The following FMO5 variants were observed in gnomAD, a reference collection of about 807,000 sequenced individuals.
FMO5 encodes flavin containing dimethylaniline monoxygenase 5.
FMO5 carries 51 observed loss-of-function variants against 43.6 expected under a neutral mutation model. The observed-to-expected ratio is 1.17, with a 90% CI of 0.93 to 1.48. The LOEUF (loss-of-function observed/expected upper bound fraction) is 1.48, where lower values mean the gene tolerates loss of function less well. Ranked by LOEUF, FMO5 falls within the 40% of genes most tolerant of loss-of-function variation. FMO5 has a pLI of 0.00. For synonymous variants in FMO5, 187 were observed against 216.5 expected (o/e 0.86, Z 1.20); for missense variants, 644 against 643.0 (o/e 1.00, Z -0.02).
chr1:147,185,007 A>G (rs1655496139), downstream of FMO5, among the ~76,000 whole-genome samples: 1 of 152,140 alleles, frequency 6.6e-6, no homozygotes, highest in Admixed American at 6.5e-5. Flanking sequence ...CGACTTTAAA[A>G]TAATTAGGAA....
At chr1:147,200,769 G>A (rs1482683479) in intron 7 of FMO5, among the ~76,000 whole-genome samples, 1 of 151,708 alleles carries the variant, frequency 6.6e-6, no homozygotes, top group Non-Finnish European at 1.5e-5. Context: ...AATGAAAGAA[G>A]ATAAAACTAT....
chr1:147,213,958 A>C (rs1346608005), intron 3 of FMO5, among the ~76,000 whole-genome samples: 1 of 151,966 alleles, frequency 6.6e-6, no homozygotes, highest in Non-Finnish European at 1.5e-5. Flanking sequence ...AGTGGCTCTC[A>C]TTTTATATAA....
intron 2 of FMO5, among the ~76,000 whole-genome samples, chr1:147,219,210 T>G (rs1662562834): frequency 6.6e-6 from 1 of 152,178 alleles, no homozygotes; most frequent in South Asian, 2.1e-4. Flanking sequence ...AACTGTAAAA[T>G]TAAATTTACA....
chr1:147,216,040 A>G, intron 2 of FMO5, 98 bp from the exon 3 acceptor site: 1 of 800,212 alleles, frequency 1.2e-6, no homozygotes, highest in Non-Finnish European at 2.0e-6. Context: ...AAGAAGTGTC[A>G]ATTAAATCAC....
intron 8 of FMO5, 95 bp from the exon 9 acceptor site, chr1:147,187,340 T>C (rs1445851497): frequency 1.2e-6 from 1 of 816,614 alleles, no homozygotes; most frequent in East Asian, 2.6e-5. Context: ...TGGCTCAATA[T>C]CAGACTAGGA....
At chr1:147,219,995 T>C (rs886565620) in intron 2 of FMO5, among the ~76,000 whole-genome samples, 2 of 152,020 alleles carry the variant, frequency 1.3e-5, no homozygotes, top group East Asian at 3.9e-4. Context: ...CATGCCACCC[T>C]GCCCAGCTAA....
At chr1:147,218,129 T>C (rs772328443) in intron 2 of FMO5, among the ~76,000 whole-genome samples, 2 of 152,158 alleles carry the variant, frequency 1.3e-5, no homozygotes, top group Non-Finnish European at 2.9e-5. Context: ...TAATATAAAG[T>C]CAAATGCATA....
Position 147,187,185 on chromosome 1 carries a change from A to G in FMO5, c.1317T>C (p.Leu439=). The G allele has an allele frequency of 6.2e-7, 1 of 1,614,114 alleles. No individual in the cohort carries two copies. The highest frequency in any genetic ancestry group is 1.1e-5 in the South Asian group (1 of 91,084). Residue 439 remains leucine (L), a synonymous_variant, in exon 9 of 9, where the codon CTT becomes CTC. Transcript: ENST00000254090. ...QGDYIDTMEE[L]ADLVGVRPNL... is the part of the protein sequence containing the mutation. ...TGGGCCTGACCCCCACCAAATCAGC[A>G]AGCTCTTCCATGGTATCTATGTAGT...
chr1:147,219,985 C>T (rs587703040), intron 2 of FMO5, among the ~76,000 whole-genome samples: 44 of 152,080 alleles, frequency 2.9e-4, no homozygotes, highest in African/African-American at 1.0e-3. Context: ...ACTACAGGCG[C>T]ATGCCACCCT....
At chr1:147,184,721 T>G, downstream of FMO5, 5 of 1,331,530 alleles carry the variant, frequency 3.8e-6, no homozygotes, top group Non-Finnish European at 4.9e-6. This position sits in a 1 kb window ranked among gnomAD's most constrained non-coding sequence, Gnocchi z 4.4. Context: ...CAGTGTGACT[T>G]ATTACTGTTA....
intron 7 of FMO5, among the ~76,000 whole-genome samples, chr1:147,192,606 G>C (rs1553918818): frequency 6.6e-6 from 1 of 151,872 alleles, no homozygotes; most frequent in African/African-American, 2.4e-5. Flanking sequence ...CAAAGGGAAT[G>C]CTTCCAGTTT....
At chr1:147,192,614 T>G (rs1657093923) in intron 7 of FMO5, among the ~76,000 whole-genome samples, 1 of 143,980 alleles carries the variant, frequency 6.9e-6, no homozygotes, top group Non-Finnish European at 1.6e-5. Context: ...ATGCTTCCAG[T>G]TTTTGCCCAT....
At chr1:147,210,200 C>T (rs952770400) in intron 5 of FMO5, 1 of 152,226 alleles carries the variant, frequency 6.6e-6, no homozygotes, top group African/African-American at 2.4e-5. Context: ...CCAGGTCTGA[C>T]TAACTCCAAA....
intron 2 of FMO5, among the ~76,000 whole-genome samples, chr1:147,220,138 A>G (rs978564114): frequency 6.6e-6 from 1 of 152,114 alleles, no homozygotes; most frequent in African/African-American, 2.4e-5. Context: ...GCACCCAGTC[A>G]TTTGCTTTTT....
chr1:147,190,788 T>G (rs1280735362), intron 7 of FMO5, among the ~76,000 whole-genome samples: 1 of 152,042 alleles, frequency 6.6e-6, no homozygotes, highest in Non-Finnish European at 1.5e-5. Context: ...ACCCATTAAC[T>G]CGTCATTTAG....
chr1:147,206,630 A>G (rs1282896302), intron 6 of FMO5, among the ~76,000 whole-genome samples: 1 of 152,166 alleles, frequency 6.6e-6, no homozygotes, highest in Non-Finnish European at 1.5e-5. Flanking sequence ...GGATGAAGCT[A>G]GAAACCATCA....
Position 147,186,558 on chromosome 1 carries a change from C to G in FMO5, c.*342G>C. ...GATTTTATACCGATGCTGACTTACTCTCCCTACCATAAAATTTGATAAACA... is the reference window on the plus strand; with the variant it reads ...GATTTTATACCGATGCTGACTTACTGTCCCTACCATAAAATTTGATAAACA... On this transcript the variant is annotated 3_prime_UTR_variant, in exon 9 of 9. Transcript: ENST00000254090. 9.8e-7 allele frequency: 1 copy of G among 1,019,342 alleles called. No homozygotes were observed. The highest frequency in any genetic ancestry group is 1.2e-6 in the Non-Finnish European group (1 of 852,644). The allele number at this position is 1,019,342 out of a possible 1,614,324, so 63.1% of individuals were successfully genotyped here.
chr1:147,191,675 AT>A lies in FMO5; in HGVS notation c.1184-1427del, dbSNP rs1389247539. Among the ~76,000 whole-genome samples, 5 of 147,994 alleles carry A rather than the reference AT, an allele frequency of 3.4e-5. No individual in the cohort carries two copies. In the South Asian group the frequency reaches 1.1e-3, roughly 33 times the overall value. ...TGGTAGTTTCTTTAGTCCATCTTGA[AT>A]TGATTTTTGTATAAGGTGTAAGGAA... is the stretch of plus-strand genomic sequence containing the variant. On this transcript the variant is annotated intron_variant, in intron 7 of 8. Coordinates refer to ENST00000254090, the MANE Select transcript of FMO5 (RefSeq NM_001461.4).
upstream of FMO5, chr1:147,225,463 A>G (rs1279569581): frequency 2.4e-5 from 4 of 166,840 alleles, no homozygotes; most frequent in Non-Finnish European, 5.3e-5. Flanking sequence ...AGCGGCACCC[A>G]TTCTCCCTCC....
Sources: allele counts gnomAD v4.1 joint callset (sites outside exome capture counted in the v4.1 genomes callset), GRCh38; gene constraint gnomAD v4.1.1; non-coding constraint Gnocchi (gnomAD v3.1); transcripts MANE v1.5; gene names NCBI Gene and HGNC (gene_info 2026-07-23, HGNC 2026-07-21).